RPN1: variants seen among roughly 807,000 people sequenced by gnomAD.
The protein encoded by RPN1 is ribophorin I, also known as dolichyl-diphosphooligosaccharide--protein glycosyltransferase subunit 1.
RPN1 carries 12 observed loss-of-function variants against 55.5 expected under a neutral mutation model. The ratio of observed to expected loss-of-function variants is 0.22; its 90% CI spans 0.14 to 0.35. RPN1 has a LOEUF of 0.35. Ranked by LOEUF, RPN1 falls within the 10% of genes least tolerant of loss-of-function variation. RPN1 has a pLI of 1.00. For synonymous variants in RPN1, 317 were observed against 305.9 expected (o/e 1.04, Z -0.38); for missense variants, 679 against 761.3 (o/e 0.89, Z 1.27).
chr3:128,622,130 C>T, intron 9 of RPN1, 34 bp downstream of exon 9: 1 of 1,610,134 alleles, frequency 6.2e-7, no homozygotes, highest in Non-Finnish European at 8.5e-7. Context: ...TGGAGGGCCC[C>T]AAGCCAAGCA....
intron 3 of RPN1, among the ~76,000 whole-genome samples, chr3:128,635,112 T>C (rs1289376107): frequency 2.0e-5 from 3 of 151,872 alleles, no homozygotes; most frequent in Non-Finnish European, 4.4e-5. Context: ...ACCCTCTCTC[T>C]CCCCAAAAAC....
chr3:128,649,322 TACTGTA>T (rs546161822), intron 1 of RPN1, among the ~76,000 whole-genome samples: 1 of 152,336 alleles, frequency 6.6e-6, no homozygotes, highest in South Asian at 2.1e-4. Flanking sequence ...GGTCCACTTA[TACTGTA>T]ACAAGCTCAT....
chr3:128,649,969 T>C (rs2069803307), intron 1 of RPN1, among the ~76,000 whole-genome samples: 2 of 152,244 alleles, frequency 1.3e-5, no homozygotes, highest in Admixed American at 6.5e-5. Context: ...ATGCGAAACC[T>C]GTTACATTTC....
Position 128,650,522 on chromosome 3 carries a change from G to A in RPN1, c.261+18C>T, listed in dbSNP as rs1443873404. On this transcript the variant is annotated intron_variant, in intron 1 of 9. Transcript: ENST00000296255. ...GGAAGGGTCCCGGGAGCGGCGGCGAGGGGTCGCCCACACTCACCTGCACGC... is the reference window on the plus strand; with the variant it reads ...GGAAGGGTCCCGGGAGCGGCGGCGAAGGGTCGCCCACACTCACCTGCACGC... 19 of 1,521,066 alleles carry A rather than the reference G, an allele frequency of 1.2e-5. No individual in the cohort carries two copies. Among genetic ancestry groups the A allele is most frequent in the Non-Finnish European group, 1.7e-5 (19 of 1,133,874 alleles). 94.2% of individuals were successfully genotyped at this position (1,521,066 alleles called of 1,614,324 possible).
At chr3:128,630,317 G>A (rs980907675) in intron 4 of RPN1, among the ~76,000 whole-genome samples, 174 bp from the exon 5 acceptor site, 5 of 152,248 alleles carry the variant, frequency 3.3e-5, no homozygotes, top group Non-Finnish European at 4.4e-5. Flanking sequence ...GGTTTGCGTC[G>A]ACTTCTCAAT....
chr3:128,633,926 T>G lies in RPN1; in HGVS notation c.634-1769A>C, dbSNP rs539792210. ...TGAACCCGGGAGGCGGAGGCTGCAG[T>G]GAGCCGAGATTGTGCCACTGCACTC... On this transcript the variant is annotated intron_variant, in intron 3 of 9. Transcript: ENST00000296255. 2.0e-5 allele frequency among the ~76,000 whole-genome samples: 3 copies of G among 152,144 alleles called. No homozygotes were observed. In the East Asian group the frequency reaches 5.8e-4, roughly 29 times the overall value.
Position 128,625,656 on chromosome 3 carries a change from G to C in RPN1, c.1276-3C>G, listed in dbSNP as rs2069593282. On this transcript the variant is annotated splice_region_variant and splice_polypyrimidine_tract_variant and intron_variant, in intron 7 of 9. Coordinates refer to ENST00000296255, the MANE Select transcript of RPN1 (RefSeq NM_002950.4). Reference sequence around the variant, plus strand: ...ACCTTGTTGAACGTGTAGTGGACCTGGGAGAAGCAAGAGGACAGGCTTCAT... The same window carrying C: ...ACCTTGTTGAACGTGTAGTGGACCTCGGAGAAGCAAGAGGACAGGCTTCAT... 6.2e-7 allele frequency: 1 copy of C among 1,613,884 alleles called. No homozygotes were observed. Among genetic ancestry groups the C allele is most frequent in the Admixed American group, 1.7e-5 (1 of 59,976 alleles).
intron 1 of RPN1, among the ~76,000 whole-genome samples, 195 bp from the exon 2 acceptor site, chr3:128,645,178 A>T (rs771994162): frequency 6.6e-6 from 1 of 152,160 alleles, no homozygotes; most frequent in African/African-American, 2.4e-5. Flanking sequence ...TTACTTTTAC[A>T]AAGTGGCATA....
intron 3 of RPN1, among the ~76,000 whole-genome samples, chr3:128,637,273 G>T (rs892149330): frequency 2.6e-5 from 4 of 151,870 alleles, no homozygotes; most frequent in African/African-American, 7.3e-5. Flanking sequence ...CTCCACCAAA[G>T]AAAAAAAGAG....
intron 3 of RPN1, among the ~76,000 whole-genome samples, chr3:128,633,209 G>A (rs1242124034): frequency 1.3e-5 from 2 of 151,668 alleles, no homozygotes; most frequent in East Asian, 1.9e-4. Flanking sequence ...AATACAGCAA[G>A]AGGTTTTTCT....
Position 128,650,684 on chromosome 3 carries a change from T to C in RPN1, c.117A>G (p.Thr39=), listed in dbSNP as rs1179652256. 6.4e-7 allele frequency: 1 copy of C among 1,572,758 alleles called. No homozygotes were observed. Among genetic ancestry groups the C allele is most frequent in the Non-Finnish European group, 8.6e-7 (1 of 1,159,148 alleles). Reference sequence around the variant, plus strand: ...TAGCCAGGTGGCTGCTTAGGTCCACTGTGCGCTTCACGTCCTCATTGATCA... The same window carrying C: ...TAGCCAGGTGGCTGCTTAGGTCCACCGTGCGCTTCACGTCCTCATTGATCA... ...PPLINEDVKR[T]VDLSSHLAKV... is the part of the protein sequence containing the mutation. The change falls in exon 1 of 10, where the codon ACA becomes ACG. Residue 39 remains threonine, a synonymous_variant. Transcript: ENST00000296255.
chr3:128,625,451 G>A, intron 8 of RPN1, 83 bp downstream of exon 8: 1 of 1,603,682 alleles, frequency 6.2e-7, no homozygotes, highest in Non-Finnish European at 8.5e-7. Flanking sequence ...CCTGCCCTGG[G>A]CTCACTGTGA....
chr3:128,637,813 G>C lies in RPN1; in HGVS notation c.619C>G (p.Pro207Ala). 6.2e-7 allele frequency: 1 copy of C among 1,612,046 alleles called. No individual in the cohort carries two copies. The highest frequency in any genetic ancestry group is 8.5e-7 in the Non-Finnish European group (1 of 1,179,450). Residue 207 changes from proline (P) to alanine (A), a missense_variant, in exon 3 of 10, where the codon CCT becomes GCT. Pro to Ala is a conservative substitution (Grantham distance 27, BLOSUM62 -1). This residue lies in a region of RPN1 where 352 missense variants were observed against 352.8 expected (regional missense o/e 1.00). Coordinates refer to ENST00000296255, the MANE Select transcript of RPN1 (RefSeq NM_002950.4). ...LLDYGPFRDV[P>A]AYSQDTFKVH... ...CCTGAGCTTACCTGACTATAGGCAG[G>C]CACATCTCTGAAAGGCCCATAATCC...
chr3:128,644,992 GA>G lies in RPN1; in HGVS notation c.262-10del, dbSNP rs1214059236. On this transcript the variant is annotated splice_polypyrimidine_tract_variant and intron_variant, in intron 1 of 9. Transcript: ENST00000296255. ...TCATCTTCTCCCTTTACCTACAACA[GA>G]AAAAGATAGTTTATTATTCATGTCT... 2 of 1,515,026 alleles carry G rather than the reference GA, an allele frequency of 1.3e-6. No homozygotes were observed. Among genetic ancestry groups the G allele is most frequent in the Non-Finnish European group, 9.2e-7 (1 of 1,090,868 alleles). The allele number at this position is 1,515,026 out of a possible 1,614,324, so 93.8% of individuals were successfully genotyped here.
At chr3:128,626,122 C>T (rs1187530976) in intron 6 of RPN1, 110 bp from the exon 7 acceptor site, 3 of 1,023,328 alleles carry the variant, frequency 2.9e-6, no homozygotes, top group Non-Finnish European at 2.8e-6. Flanking sequence ...ACTAAATTCA[C>T]ACTCCTCCAC....
chr3:128,631,858 CTAAA>C lies in RPN1; in HGVS notation c.843+86_843+89del, dbSNP rs909546237. Reference sequence around the variant, plus strand: ...ACATCAGTCAACCCTAAACAACTGCCTAAATATTTAGCTAGTTTCGAAAAGCAAA... The same window carrying C: ...ACATCAGTCAACCCTAAACAACTGCCTATTTAGCTAGTTTCGAAAAGCAAA... On this transcript the variant is annotated intron_variant, in intron 4 of 9. Transcript: ENST00000296255. The C allele has an allele frequency of 1.9e-5, 26 of 1,404,784 alleles. No homozygotes were observed. The African/African-American group carries it at 2.8e-4, about 15-fold the overall frequency. 87.0% of individuals were successfully genotyped at this position (1,404,784 alleles called of 1,614,324 possible).
At chr3:128,621,149 T>C (rs557107979) in intron 9 of RPN1, among the ~76,000 whole-genome samples, 3 of 152,314 alleles carry the variant, frequency 2.0e-5, no homozygotes, top group Non-Finnish European at 2.9e-5. Context: ...TAAGGACAGA[T>C]AAGGGATCTT....
At chr3:128,636,536 T>C (rs2069683495) in intron 3 of RPN1, among the ~76,000 whole-genome samples, 1 of 152,136 alleles carries the variant, frequency 6.6e-6, no homozygotes, top group Admixed American at 6.6e-5. Flanking sequence ...ACAAAGTATT[T>C]TGATTGCACA....
In RPN1 at chr3:128,638,060, C is replaced by T. The variant is rs138068615; in HGVS notation, c.372G>A (p.Gly124=). Residue 124 remains glycine (G), a synonymous_variant, in exon 3 of 10, where the codon GGG becomes GGA. Transcript: ENST00000296255. The part of the protein sequence containing the change: ...TVKLPVALDP[G]AKISVIVETV... ...TTTCCACAATGACTGAAATCTTGGC[C>T]CCAGGATCAAGAGCAACTGGGAGCT... 1 of 1,613,826 alleles carries T rather than the reference C, an allele frequency of 6.2e-7. No homozygotes were observed. Among genetic ancestry groups the T allele is most frequent in the East Asian group, 2.2e-5 (1 of 44,896 alleles).
Sources: allele counts gnomAD v4.1 joint callset (sites outside exome capture counted in the v4.1 genomes callset), GRCh38; gene constraint gnomAD v4.1.1; regional missense constraint gnomAD v4.1.1; transcripts MANE v1.5; gene names NCBI Gene and HGNC (gene_info 2026-07-23, HGNC 2026-07-21).